CSGALNACT1: variants seen among roughly 807,000 people sequenced by gnomAD.
CSGALNACT1 encodes beta4GalNAcT-1.
A neutral mutation model predicts 51.0 loss-of-function variants in CSGALNACT1; 52 were observed. That is an observed-to-expected ratio of 1.02 (90% CI 0.82 to 1.29). The LOEUF (loss-of-function observed/expected upper bound fraction) is 1.29, where lower values mean the gene tolerates loss of function less well. Ranked by LOEUF, CSGALNACT1 falls within the 50% of genes most tolerant of loss-of-function variation. The pLI is 0.00. For missense variants in CSGALNACT1, 935 were observed against 679.2 expected (o/e 1.38, Z -4.19); for synonymous variants, 341 against 254.4 (o/e 1.34, Z -3.24).
chr8:19,543,399 T>C (rs1176757333), intron 3 of CSGALNACT1, among the ~76,000 whole-genome samples: 2 of 152,214 alleles, frequency 1.3e-5, no homozygotes, highest in Admixed American at 1.3e-4. Flanking sequence ...ACGGGGCTTG[T>C]AAAAAGTTCT....
At chr8:19,558,419 G>A (rs2039955492) in intron 3 of CSGALNACT1, among the ~76,000 whole-genome samples, 1 of 152,074 alleles carries the variant, frequency 6.6e-6, no homozygotes, top group South Asian at 2.1e-4. Context: ...CTTCTTTACA[G>A]TTAGGGATTT....
chr8:19,662,025 A>C, intron 1 of CSGALNACT1, among the ~76,000 whole-genome samples: 2 of 124,670 alleles, frequency 1.6e-5, no homozygotes, highest in African/African-American at 6.1e-5. Context: ...AACCATCCCT[A>C]CCAGCAGCAA....
chr8:19,436,853 G>A lies in CSGALNACT1; in HGVS notation c.953+2977C>T, dbSNP rs541887093. 6.6e-5 allele frequency among the ~76,000 whole-genome samples: 10 copies of A among 152,350 alleles called. No homozygotes were observed. In the East Asian group the frequency reaches 1.9e-3, roughly 29 times the overall value. ...GTGAGCCCAGGAGTTGGAGGGTGCA[G>A]TGAGGTATGATCACACCACTGCACT... On this transcript the variant is annotated intron_variant, in intron 6 of 9. Transcript: ENST00000454498.
At chr8:19,619,168 A>C (rs1354599351) in intron 1 of CSGALNACT1, among the ~76,000 whole-genome samples, 2 of 150,224 alleles carry the variant, frequency 1.3e-5, no homozygotes, top group Non-Finnish European at 3.0e-5. Flanking sequence ...ACTCAGACTC[A>C]AATCTGAGTC....
intron 1 of CSGALNACT1, among the ~76,000 whole-genome samples, chr8:19,621,305 G>C (rs372199998): frequency 1.4e-4 from 22 of 152,140 alleles, no homozygotes; most frequent in African/African-American, 4.3e-4. Flanking sequence ...CTTGAATTTT[G>C]TACACAAGTT....
intron 1 of CSGALNACT1, among the ~76,000 whole-genome samples, chr8:19,666,650 ATTGTGC>A (rs1178583244): frequency 1.3e-5 from 2 of 151,198 alleles, no homozygotes; most frequent in Non-Finnish European, 2.9e-5. Flanking sequence ...GTGAGCCGAT[ATTGTGC>A]TACTGCACTC....
At chr8:19,695,494 T>C (rs914159840) in intron 1 of CSGALNACT1, among the ~76,000 whole-genome samples, 2 of 152,282 alleles carry the variant, frequency 1.3e-5, no homozygotes, top group South Asian at 4.1e-4. Context: ...CTAAATACTG[T>C]CAAATATCCC....
intron 4 of CSGALNACT1, among the ~76,000 whole-genome samples, chr8:19,481,573 G>T (rs1586906987): frequency 6.6e-6 from 1 of 152,030 alleles, no homozygotes; most frequent in Non-Finnish European, 1.5e-5. Context: ...ACACACTTAA[G>T]AACACCCTAG....
chr8:19,679,718 A>G (rs1302507869), intron 1 of CSGALNACT1, among the ~76,000 whole-genome samples: 1 of 152,148 alleles, frequency 6.6e-6, no homozygotes, highest in Non-Finnish European at 1.5e-5. Flanking sequence ...GCTACCCACA[A>G]ACAGGTGCTG....
At chr8:19,697,833 G>C (rs1404878052) in intron 1 of CSGALNACT1, among the ~76,000 whole-genome samples, 1 of 152,186 alleles carries the variant, frequency 6.6e-6, no homozygotes, top group Non-Finnish European at 1.5e-5. Flanking sequence ...GAGGTGGTGG[G>C]TAACGTCCCA....
intron 3 of CSGALNACT1, among the ~76,000 whole-genome samples, chr8:19,584,450 G>C (rs1164644501): frequency 1.3e-5 from 2 of 152,254 alleles, no homozygotes; most frequent in African/African-American, 4.8e-5. Context: ...AGAAAGCTTA[G>C]GCTAATGGTT....
At chr8:19,416,293 T>G (rs1226491443) in intron 8 of CSGALNACT1, among the ~76,000 whole-genome samples, 8 of 152,028 alleles carry the variant, frequency 5.3e-5, no homozygotes, top group Admixed American at 5.2e-4. Context: ...TTTTGAATTT[T>G]TAGTAGAGAT....
intron 6 of CSGALNACT1, among the ~76,000 whole-genome samples, chr8:19,437,434 T>A (rs138994638): frequency 6.6e-6 from 1 of 151,890 alleles, no homozygotes; most frequent in Non-Finnish European, 1.5e-5. Flanking sequence ...ATCTGGAAGG[T>A]AGAGTGTGGT....
At chr8:19,540,681 G>A (rs752010887) in intron 3 of CSGALNACT1, among the ~76,000 whole-genome samples, 4 of 152,070 alleles carry the variant, frequency 2.6e-5, no homozygotes, top group Non-Finnish European at 4.4e-5. Flanking sequence ...TAGATTCTAC[G>A]CTTCAGCCAC....
chr8:19,733,310 A>G (rs2063788892), intron 1 of CSGALNACT1, among the ~76,000 whole-genome samples: 1 of 152,222 alleles, frequency 6.6e-6, no homozygotes, highest in Non-Finnish European at 1.5e-5. Flanking sequence ...TCCTTGTGGT[A>G]TGTTCACATT....
intron 1 of CSGALNACT1, among the ~76,000 whole-genome samples, chr8:19,717,784 G>C (rs913106654): frequency 6.6e-6 from 1 of 152,140 alleles, no homozygotes; most frequent in African/African-American, 2.4e-5. Flanking sequence ...ACTATTTTTA[G>C]TTTCTTGCAC....
intron 1 of CSGALNACT1, among the ~76,000 whole-genome samples, chr8:19,618,679 G>GA (rs982243378): frequency 3.3e-5 from 4 of 120,092 alleles, no homozygotes; most frequent in Admixed American, 1.6e-4. Context: ...GAAAGAAAGA[G>GA]AAAAAAAAGA....
chr8:19,629,196 G>C (rs7815969), intron 1 of CSGALNACT1, among the ~76,000 whole-genome samples: 16,896 of 151,952 alleles, frequency 0.11, 1,148 homozygotes, highest in African/African-American at 0.19. Context: ...GACTTAAATC[G>C]AAAAAAACCG....
At chr8:19,595,298 C>T (rs1168501803) in intron 2 of CSGALNACT1, among the ~76,000 whole-genome samples, 1 of 152,120 alleles carries the variant, frequency 6.6e-6, no homozygotes, top group Non-Finnish European at 1.5e-5. Context: ...CTATTTTTCT[C>T]ATTTCTCTGT....
Sources: gnomAD v4.1 joint callset for allele counts (sites outside exome capture counted in the v4.1 genomes callset) on GRCh38, gnomAD v4.1.1 for gene constraint, MANE v1.5 for transcripts, NCBI Gene and HGNC (gene_info 2026-07-23, HGNC 2026-07-21) for gene names.